Variants in NUDT9 observed in about 807,000 individuals in gnomAD.
NUDT9 encodes the protein nudix hydrolase 9.
NUDT9 carries 31 observed loss-of-function variants against 41.0 expected under a neutral mutation model. The ratio of observed to expected loss-of-function variants is 0.76; its 90% CI spans 0.57 to 1.02. The LOEUF (loss-of-function observed/expected upper bound fraction) is 1.02, where lower values mean the gene tolerates loss of function less well. Ranked by LOEUF, NUDT9 falls within the 50% of genes least tolerant of loss-of-function variation. The pLI, the probability that NUDT9 is intolerant of heterozygous loss-of-function variation, is 0.00. For missense variants in NUDT9, 380 were observed against 431.4 expected (o/e 0.88, Z 1.06); for synonymous variants, 146 against 147.6 (o/e 0.99, Z 0.08).
intron 1 of NUDT9, among the ~76,000 whole-genome samples, chr4:87,432,461 T>A (rs576650771): frequency 6.6e-6 from 1 of 152,318 alleles, no homozygotes; most frequent in Non-Finnish European, 1.5e-5. Context: ...TCCTTTCCAA[T>A]GTGGATACCT....
chr4:87,432,768 G>GTT lies in NUDT9; in HGVS notation c.108-2202_108-2201dup, dbSNP rs80311091. ...TTTCTGCATCAATCAAGAAGATTGT[G>GTT]TTTTTTTTTTTTATTTTGTTAATGT... is the stretch of plus-strand genomic sequence containing the variant. On this transcript the variant is annotated intron_variant, in intron 1 of 7. Coordinates refer to ENST00000302174, the MANE Select transcript of NUDT9 (RefSeq NM_024047.5). Among the ~76,000 whole-genome samples, 47 of 145,550 alleles carry GTT rather than the reference G, an allele frequency of 3.2e-4. No homozygotes were observed. The East Asian group carries it at 5.0e-3, about 15-fold the overall frequency.
chr4:87,454,714 AT>A (rs2110192895), intron 7 of NUDT9, among the ~76,000 whole-genome samples: 1 of 152,350 alleles, frequency 6.6e-6, no homozygotes, highest in South Asian at 2.1e-4. Flanking sequence ...ATGGGCTAAA[AT>A]GATATGCTTT....
intron 1 of NUDT9, 72 bp downstream of exon 1, chr4:87,423,084 C>T: frequency 9.1e-7 from 1 of 1,093,816 alleles, no homozygotes; most frequent in Non-Finnish European, 1.3e-6. Flanking sequence ...GCTTTTTTTT[C>T]TGGCGTATTC....
chr4:87,446,922 T>A (rs2110182792), intron 4 of NUDT9, among the ~76,000 whole-genome samples: 1 of 152,346 alleles, frequency 6.6e-6, no homozygotes, highest in East Asian at 1.9e-4. Context: ...CCAGCTGATC[T>A]TCTTGAGTCC....
intron 7 of NUDT9, among the ~76,000 whole-genome samples, chr4:87,454,922 T>G (rs886209513): frequency 2.0e-5 from 3 of 152,184 alleles, no homozygotes; most frequent in African/African-American, 7.2e-5. Flanking sequence ...AAATTTTAAA[T>G]GAATGCTGTT....
At chr4:87,424,245 C>T (rs533948118) in intron 1 of NUDT9, among the ~76,000 whole-genome samples, 1 of 144,266 alleles carries the variant, frequency 6.9e-6, no homozygotes, top group East Asian at 2.1e-4. Context: ...TAGCATTTCT[C>T]CCTAATGCGT....
At chr4:87,425,803 C>T (rs2110156367) in intron 1 of NUDT9, among the ~76,000 whole-genome samples, 1 of 149,662 alleles carries the variant, frequency 6.7e-6, no homozygotes, top group Admixed American at 6.6e-5. Flanking sequence ...TTTGTGATTA[C>T]TAGAAGGTTT....
At chr4:87,437,927 C>T (rs1324567421) in intron 2 of NUDT9, among the ~76,000 whole-genome samples, 1 of 152,064 alleles carries the variant, frequency 6.6e-6, no homozygotes, top group Non-Finnish European at 1.5e-5. Flanking sequence ...TACATGGGAG[C>T]AAATAGTTTT....
At position 87,434,987 on chromosome 4, in the gene NUDT9, GT is replaced by G. The variant is rs1250445069; in HGVS notation, c.118del (p.Ser40HisfsTer136). 2 of 1,605,644 alleles carry G rather than the reference GT, an allele frequency of 1.2e-6. No homozygotes were observed. Among genetic ancestry groups the G allele is most frequent in the East Asian group, 2.2e-5 (1 of 44,838 alleles). On this transcript the variant is annotated frameshift_variant, in exon 2 of 8. Transcript: ENST00000302174. LOFTEE classifies it high-confidence loss of function. The part of the protein sequence containing the change: ...CRGIQAFRNS[F>X]SSSWFHLNTN... ...TTTTCTTTTTCTCCCCCAGAAACTC[GT>G]TTTCATCTTCTTGGTTTCATCTTAA...
At chr4:87,434,890 A>C (rs1271847640) in intron 1 of NUDT9, 91 bp from the exon 2 acceptor site, 1 of 1,145,612 alleles carries the variant, frequency 8.7e-7, no homozygotes. Flanking sequence ...AAGTGCTGGG[A>C]TTACAGGCGT....
intron 1 of NUDT9, among the ~76,000 whole-genome samples, chr4:87,430,225 TG>T (rs1388485509): frequency 2.6e-5 from 4 of 152,232 alleles, no homozygotes; most frequent in Admixed American, 2.6e-4. Context: ...CTCTAGAAGC[TG>T]GGAAAGTATG....
At chr4:87,428,622 G>T (rs894850139) in intron 1 of NUDT9, among the ~76,000 whole-genome samples, 4 of 152,168 alleles carry the variant, frequency 2.6e-5, no homozygotes, top group Non-Finnish European at 5.9e-5. Flanking sequence ...TTAACTGAAG[G>T]AAAGGCTGTA....
At chr4:87,445,713 A>T (rs1175575425) in intron 4 of NUDT9, among the ~76,000 whole-genome samples, 5 of 152,206 alleles carry the variant, frequency 3.3e-5, no homozygotes, top group South Asian at 4.1e-4. Context: ...TATTCAGTAA[A>T]TGTTTATTAG....
At chr4:87,440,817 G>C (rs972456355) in intron 3 of NUDT9, among the ~76,000 whole-genome samples, 1 of 151,646 alleles carries the variant, frequency 6.6e-6, no homozygotes, top group Non-Finnish European at 1.5e-5. Context: ...CCGCACTCCA[G>C]CGTGGGTGAC....
At position 87,437,465 on chromosome 4, in the gene NUDT9, C is replaced by T. The variant is rs189584733; in HGVS notation, c.348-812C>T. 1.1e-3 allele frequency among the ~76,000 whole-genome samples: 166 copies of T among 150,902 alleles called. No individual in the cohort carries two copies. The Middle Eastern group carries it at 0.02, about 19-fold the overall frequency. On this transcript the variant is annotated intron_variant, in intron 2 of 7. Coordinates refer to ENST00000302174, the MANE Select transcript of NUDT9 (RefSeq NM_024047.5). The stretch of plus-strand genomic sequence containing the variant: ...ACGCCATTCTCCTGCCTCAGCCTCC[C>T]GAGTAGCTGGGGCTACAGGTGCCCA...
intron 5 of NUDT9, 30 bp downstream of exon 5, chr4:87,449,283 G>A (rs868534388): frequency 8.8e-7 from 1 of 1,141,054 alleles, no homozygotes; most frequent in Non-Finnish European, 1.3e-6. Flanking sequence ...TAGTGTTTAA[G>A]TTCCTTTTAG....
At chr4:87,457,175 T>C (rs944682901) in intron 7 of NUDT9, among the ~76,000 whole-genome samples, 2 of 152,140 alleles carry the variant, frequency 1.3e-5, no homozygotes, top group Admixed American at 6.5e-5. Flanking sequence ...TACAGAAATA[T>C]TCCATTTATA....
intron 1 of NUDT9, among the ~76,000 whole-genome samples, chr4:87,425,391 CTTT>C (rs70957241): frequency 6.3e-4 from 73 of 116,700 alleles, no homozygotes; most frequent in Admixed American, 1.1e-3. Context: ...TGTTCTTTTC[CTTT>C]TTTTTTTTTT....
In NUDT9 at chr4:87,452,516, T is replaced by G. The variant is rs144358832; in HGVS notation, c.789+781T>G. On this transcript the variant is annotated intron_variant, in intron 6 of 7. Transcript: ENST00000302174. ...TTGTTCAGGCTGGAGTGCAGTGGTG[T>G]TATGGCTCACTGCAGTTTTGACCTC... Among the ~76,000 whole-genome samples the G allele has an allele frequency of 3.6e-3, 553 of 151,634 alleles. 3 individuals carry two copies. Among genetic ancestry groups the G allele is most frequent in the African/African-American group, 0.013 (534 of 41,340 alleles).
Sources: gnomAD v4.1 joint callset for allele counts (sites outside exome capture counted in the v4.1 genomes callset) on GRCh38, gnomAD v4.1.1 for gene constraint, MANE v1.5 for transcripts, NCBI Gene and HGNC (gene_info 2026-07-23, HGNC 2026-07-21) for gene names.